Variants in ADGRV1 observed in about 807,000 individuals in gnomAD.
ADGRV1 encodes G-protein coupled receptor 98.
A neutral mutation model predicts 596.2 loss-of-function variants in ADGRV1; 359 were observed. That is an observed-to-expected ratio of 0.60 (90% confidence interval 0.55 to 0.66). The LOEUF (loss-of-function observed/expected upper bound fraction) is 0.66. Among genes scored for constraint, ADGRV1 ranks in the 30% least tolerant of loss-of-function variants. The pLI is 0.00. For missense variants in ADGRV1, 7,274 were observed against 7,575.6 expected (o/e 0.96, Z 1.48); for synonymous variants, 2,681 against 2,679.2 (o/e 1.00, Z -0.02).
chr5:90,618,021 T>C, intron 3 of ADGRV1, 68 bp downstream of exon 3: 3 of 1,223,608 alleles, frequency 2.5e-6, no homozygotes, highest in Non-Finnish European at 3.4e-6. Flanking sequence ...AATCTTTTAG[T>C]GCTTAACAAT....
In ADGRV1 at chr5:91,056,979, A is replaced by G. The variant is rs201951474; in HGVS notation, c.18153-15468A>G. Among the ~76,000 whole-genome samples, 19 of 152,368 alleles carry G rather than the reference A, an allele frequency of 1.2e-4. No homozygotes were observed. The East Asian group carries it at 3.7e-3, about 29-fold the overall frequency. On this transcript the variant is annotated intron_variant, in intron 85 of 89. Coordinates refer to ENST00000405460, the MANE Select transcript of ADGRV1 (RefSeq NM_032119.4). ...AAAAACCATAAATCGAGAAATGCCC[A>G]CTAAAATGATGTATAATATAACCAC...
rs1764299575 is a variant in ADGRV1, at chr5:90,829,001, G to A, written c.16426G>A (p.Ala5476Thr). 1.2e-6 allele frequency: 2 copies of A among 1,607,586 alleles called. No homozygotes were observed. Among genetic ancestry groups the A allele is most frequent in the South Asian group, 1.1e-5 (1 of 89,850 alleles). Reference protein sequence around the residue: ...VELYEATAGAAINNSARFAQI... With the variant: ...VELYEATAGATINNSARFAQI... ...ACTATATGAAGCTACTGCTGGAGCAGCAATAAACAACAGTGCCAGATTCGC... is the reference window on the plus strand; with the variant it reads ...ACTATATGAAGCTACTGCTGGAGCAACAATAAACAACAGTGCCAGATTCGC... The change falls in exon 77 of 90, where the codon GCA becomes ACA. Residue 5476 changes from alanine (A) to threonine (T), a missense_variant. By Grantham distance (58) the Ala-to-Thr change is moderately conservative. Coordinates refer to ENST00000405460, the MANE Select transcript of ADGRV1 (RefSeq NM_032119.4).
chr5:90,903,323 T>C (rs1054194433), intron 83 of ADGRV1, among the ~76,000 whole-genome samples: 1 of 152,090 alleles, frequency 6.6e-6, no homozygotes, highest in Non-Finnish European at 1.5e-5. Context: ...TGCCTGGTTT[T>C]AGATGGAGAT....
At chr5:91,018,559 G>T (rs1353766166) in intron 85 of ADGRV1, among the ~76,000 whole-genome samples, 1 of 151,950 alleles carries the variant, frequency 6.6e-6, no homozygotes. Context: ...GAAGAAACTT[G>T]TAGGTCTTGC....
intron 86 of ADGRV1, among the ~76,000 whole-genome samples, chr5:91,101,541 A>G (rs965607572): frequency 1.3e-5 from 2 of 152,180 alleles, no homozygotes; most frequent in African/African-American, 4.8e-5. Flanking sequence ...TTATTCTAAA[A>G]CTCAGATAGC....
chr5:90,972,077 G>T (rs768139169), intron 84 of ADGRV1, among the ~76,000 whole-genome samples: 23 of 152,050 alleles, frequency 1.5e-4, no homozygotes, highest in Admixed American at 3.9e-4. Flanking sequence ...ACAGACTTTA[G>T]ACCAATAAAG....
intron 84 of ADGRV1, among the ~76,000 whole-genome samples, chr5:90,975,856 TA>T (rs11291279): frequency 0.5 from 75,537 of 149,882 alleles, 20,440 homozygotes; most frequent in African/African-American, 0.71. Context: ...AGTATAATAA[TA>T]AAAAAAAAAT....
intron 85 of ADGRV1, among the ~76,000 whole-genome samples, chr5:91,030,703 T>C (rs935639245): frequency 1.3e-5 from 2 of 152,202 alleles, no homozygotes; most frequent in Non-Finnish European, 2.9e-5. Flanking sequence ...TGTTGCACAG[T>C]AGAATAGGAA....
chr5:90,759,541 C>G lies in ADGRV1; in HGVS notation c.12073C>G (p.Pro4025Ala). 1 of 1,613,230 alleles carries G rather than the reference C, an allele frequency of 6.2e-7. No homozygotes were observed. The highest frequency in any genetic ancestry group is 2.2e-5 in the East Asian group (1 of 44,850). Residue 4025 changes from proline to alanine, a missense_variant, in exon 58 of 90, where the codon CCA becomes GCA. By Grantham distance (27) the Pro-to-Ala change is conservative. Around this residue, in one of 5 missense-constraint regions of ADGRV1, gnomAD observed 3,643 missense variants for 3,809.2 expected, o/e 0.96. Coordinates refer to ENST00000405460, the MANE Select transcript of ADGRV1 (RefSeq NM_032119.4). ...TGATGTTGTGGTAACTGTTGTTATT[C>G]CACAAAATGATTCTCCATTTGGAGT... ...GDDVVVTVVI[P>A]QNDSPFGVFG... is the part of the protein sequence containing the mutation.
At chr5:90,666,566 T>G (rs1381566184) in intron 21 of ADGRV1, among the ~76,000 whole-genome samples, 1 of 111,500 alleles carries the variant, frequency 9.0e-6, no homozygotes, top group Non-Finnish European at 1.8e-5. Context: ...GACTATCCAA[T>G]TTGCCAGTCT....
rs531595136 is a variant in ADGRV1, at chr5:91,011,399, G to A, written c.18152+25877G>A. The stretch of plus-strand genomic sequence containing the variant: ...ATTTGTCTTCTCTTCACAGTTGTGT[G>A]TCTGTTTCTCTTTCTTCCAGAGTTA... On this transcript the variant is annotated intron_variant, in intron 85 of 89. Coordinates refer to ENST00000405460, the MANE Select transcript of ADGRV1 (RefSeq NM_032119.4). Among the ~76,000 whole-genome samples, 725 of 151,998 alleles carry A rather than the reference G, an allele frequency of 4.8e-3. 1 individual carries two copies. Among genetic ancestry groups the A allele is most frequent in the South Asian group, 0.011 (54 of 4,816 alleles).
chr5:90,665,103 G>C, intron 21 of ADGRV1, among the ~76,000 whole-genome samples: 1 of 148,366 alleles, frequency 6.7e-6, no homozygotes, highest in Admixed American at 6.8e-5. Flanking sequence ...GCCTGGCTTT[G>C]GTATCAGAAT....
intron 9 of ADGRV1, 77 bp downstream of exon 9, chr5:90,629,616 C>A: frequency 9.4e-7 from 1 of 1,059,528 alleles, no homozygotes; most frequent in Non-Finnish European, 1.4e-6. Context: ...ATTAACTGAA[C>A]ATTATTTTGA....
At chr5:90,774,141 CT>C in intron 59 of ADGRV1, 44 bp from the exon 60 acceptor site, 1 of 1,115,094 alleles carries the variant, frequency 9.0e-7, no homozygotes, top group Non-Finnish European at 1.3e-6. Flanking sequence ...CAAACTTTGG[CT>C]TTGGTCAATC....
intron 84 of ADGRV1, among the ~76,000 whole-genome samples, chr5:90,970,271 C>A (rs933737932): frequency 3.3e-5 from 5 of 152,198 alleles, no homozygotes; most frequent in African/African-American, 4.8e-5. Flanking sequence ...GGAGGCCTGC[C>A]TGCCTCTGCA....
intron 11 of ADGRV1, among the ~76,000 whole-genome samples, chr5:90,639,508 G>A (rs1003944753): frequency 7.2e-5 from 11 of 151,864 alleles, no homozygotes; most frequent in African/African-American, 2.7e-4. Flanking sequence ...AATTTTTAAG[G>A]GTTTATTTTG....
rs1252389423 is a variant in ADGRV1, at chr5:90,985,411, T to C, written c.18041T>C (p.Phe6014Ser). ...EHTERRYLLF[F>S]LLSWGLPAFV... ...ACAGAGAGGCGATATCTGCTGTTTT[T>C]CCTTCTGAGTTGGGGACTACCAGCT... Residue 6014 changes from phenylalanine (F) to serine (S), a missense_variant, in exon 85 of 90, where the codon TTC becomes TCC. By Grantham distance (155) the Phe-to-Ser change is radical. Around this residue, in one of 5 missense-constraint regions of ADGRV1, gnomAD observed 1,874 missense variants for 1,970.2 expected, o/e 0.95. Transcript: ENST00000405460. 1 of 1,613,732 alleles carries C rather than the reference T, an allele frequency of 6.2e-7. No individual in the cohort carries two copies. Among genetic ancestry groups the C allele is most frequent in the East Asian group, 2.2e-5 (1 of 44,880 alleles).
chr5:91,088,360 A>C (rs1166412469), intron 86 of ADGRV1, among the ~76,000 whole-genome samples: 1 of 152,154 alleles, frequency 6.6e-6, no homozygotes, highest in Non-Finnish European at 1.5e-5. Flanking sequence ...CTGCTTTGCT[A>C]CCATGAAAAA....
chr5:90,678,145 T>C (rs184682810), intron 25 of ADGRV1, among the ~76,000 whole-genome samples: 124 of 152,320 alleles, frequency 8.1e-4, no homozygotes, highest in African/African-American at 2.9e-3. Context: ...CTGGGTGCCA[T>C]ACATTCTCAT....
Sources: gnomAD v4.1 joint callset for allele counts (sites outside exome capture counted in the v4.1 genomes callset) on GRCh38, gnomAD v4.1.1 for gene constraint, gnomAD v4.1.1 regional missense constraint, MANE v1.5 for transcripts, NCBI Gene and HGNC (gene_info 2026-07-23, HGNC 2026-07-21) for gene names.